EFTUD2: variants seen among roughly 807,000 people sequenced by gnomAD.
The protein encoded by EFTUD2 is 116 kDa U5 small nuclear ribonucleoprotein component.
EFTUD2 carries 9 observed loss-of-function variants against 114.3 expected under a neutral mutation model. The ratio of observed to expected loss-of-function variants is 0.08; its 90% CI spans 0.05 to 0.14. The LOEUF (loss-of-function observed/expected upper bound fraction) is 0.14. Ranked by LOEUF, EFTUD2 falls within the 10% of genes least tolerant of loss-of-function variation. EFTUD2 has a pLI of 1.00. For synonymous variants in EFTUD2, 449 were observed against 462.3 expected (o/e 0.97, Z 0.37); for missense variants, 765 against 1,241.2 (o/e 0.62, Z 5.76).
intron 16 of EFTUD2, among the ~76,000 whole-genome samples, chr17:44,861,843 C>T (rs142979165): frequency 2.1e-3 from 315 of 152,260 alleles, no homozygotes; most frequent in Non-Finnish European, 3.4e-3. Flanking sequence ...GCAGGGTAGC[C>T]ACCTTAGGGA....
chr17:44,897,731 A>G (rs2051417000), intron 1 of EFTUD2, among the ~76,000 whole-genome samples: 1 of 151,940 alleles, frequency 6.6e-6, no homozygotes, highest in Admixed American at 6.6e-5. Context: ...CACTTGGCTA[A>G]TTTTTGTATT....
intron 16 of EFTUD2, among the ~76,000 whole-genome samples, chr17:44,862,472 G>C (rs1162116068): frequency 6.6e-6 from 1 of 152,056 alleles, no homozygotes; most frequent in Non-Finnish European, 1.5e-5. Flanking sequence ...AAGTTCACAC[G>C]AGCCACCCAA....
At chr17:44,852,679 G>C in intron 25 of EFTUD2, 117 bp from the exon 26 acceptor site, 1 of 1,249,826 alleles carries the variant, frequency 8.0e-7, no homozygotes, top group Non-Finnish European at 1.1e-6. Context: ...ATCAAAGAAA[G>C]AGTAACCAAG....
chr17:44,850,415 G>C lies in EFTUD2; in HGVS notation c.*859C>G. On this transcript the variant is annotated 3_prime_UTR_variant, in exon 28 of 28. Coordinates refer to ENST00000426333, the MANE Select transcript of EFTUD2 (RefSeq NM_004247.4). ...GAAGTAGGACTCCTATAGGAGCCGG[G>C]GCTGTCCAACTCCCCTAACTCAATC... 1 of 1,597,368 alleles carries C rather than the reference G, an allele frequency of 6.3e-7. No individual in the cohort carries two copies. The highest frequency in any genetic ancestry group is 8.6e-7 in the Non-Finnish European group (1 of 1,166,858).
chr17:44,870,912 G>A (rs1168074853), intron 11 of EFTUD2, among the ~76,000 whole-genome samples: 3 of 152,086 alleles, frequency 2.0e-5, no homozygotes, highest in Non-Finnish European at 4.4e-5. Context: ...CAGCTACTCA[G>A]GAGGCTGAGG....
rs376006331 is a variant in EFTUD2 at position 44,885,219 on chromosome 17, C to G, written c.350+37G>C. ...TCTCTACAAAAACATGAACCCACAGCATTCCTGCAGAGAAGCTGAGAAACC... is the reference window on the plus strand; with the variant it reads ...TCTCTACAAAAACATGAACCCACAGGATTCCTGCAGAGAAGCTGAGAAACC... On this transcript the variant is annotated intron_variant, in intron 4 of 27. Coordinates refer to ENST00000426333, the MANE Select transcript of EFTUD2 (RefSeq NM_004247.4). 240 of 1,540,864 alleles carry G rather than the reference C, an allele frequency of 1.6e-4. 2 individuals are homozygous for G. The African/African-American group carries it at 3.0e-3, about 19-fold the overall frequency.
At chr17:44,860,234 G>T (rs1376127173) in intron 17 of EFTUD2, 189 bp from the exon 18 acceptor site, 1 of 844,680 alleles carries the variant, frequency 1.2e-6, no homozygotes, top group African/African-American at 1.7e-5. Context: ...AAAGAGAGGA[G>T]GAAAATAATA....
At chr17:44,894,549 T>C in intron 1 of EFTUD2, 24 bp from the exon 2 acceptor site, 2 of 1,579,370 alleles carry the variant, frequency 1.3e-6, no homozygotes, top group East Asian at 2.2e-5. Flanking sequence ...AGAGAAGAGT[T>C]AGATTCTGAC....
At chr17:44,885,975 G>A (rs534093413) in intron 3 of EFTUD2, among the ~76,000 whole-genome samples, 6 of 151,914 alleles carry the variant, frequency 3.9e-5, no homozygotes, top group Admixed American at 6.6e-5. Context: ...AGTGGCTCAC[G>A]CCTGTAATCC....
At chr17:44,880,678 CT>C in intron 7 of EFTUD2, 34 bp from the exon 8 acceptor site, 2 of 1,579,206 alleles carry the variant, frequency 1.3e-6, no homozygotes, top group African/African-American at 1.3e-5. Flanking sequence ...AGACCTCTTC[CT>C]ATGCAAGAGG....
chr17:44,872,527 C>T lies in EFTUD2; in HGVS notation c.913G>A (p.Gly305Ser), dbSNP rs1435500626. Residue 305 changes from glycine to serine, a missense_variant, in exon 11 of 28, where the codon GGT becomes AGT. Gly to Ser is a moderately conservative substitution (Grantham distance 56). Coordinates refer to ENST00000426333, the MANE Select transcript of EFTUD2 (RefSeq NM_004247.4). The part of the protein sequence containing the change: ...DENLILSPLL[G>S]NVCFSSSQYS... ...TGGGAGCTGGAGAAGCAGACGTTACCCAGGAGTGGGGAAAGGATCAGGTTC... is the reference window on the plus strand; with the variant it reads ...TGGGAGCTGGAGAAGCAGACGTTACTCAGGAGTGGGGAAAGGATCAGGTTC... The T allele has an allele frequency of 6.2e-7, 1 of 1,613,112 alleles. No individual in the cohort carries two copies. The highest frequency in any genetic ancestry group is 8.5e-7 in the Non-Finnish European group (1 of 1,179,410).
At chr17:44,870,822 A>AG (rs1446917998) in intron 11 of EFTUD2, among the ~76,000 whole-genome samples, 1 of 152,110 alleles carries the variant, frequency 6.6e-6, no homozygotes, top group African/African-American at 2.4e-5. Context: ...GTTCGAGACC[A>AG]GCCTGACCAA....
chr17:44,857,226 G>A, intron 19 of EFTUD2, 69 bp from the exon 20 acceptor site: 1 of 1,388,620 alleles, frequency 7.2e-7, no homozygotes, highest in Non-Finnish European at 1.0e-6. Context: ...TTTACCTAAG[G>A]GAATTCAGAA....
rs998292108 is a variant in EFTUD2, at chr17:44,851,007, G to A, written c.*267C>T. The A allele has an allele frequency of 3.5e-5, 16 of 458,004 alleles. No individual in the cohort carries two copies. Among genetic ancestry groups the A allele is most frequent in the Non-Finnish European group, 5.6e-5 (14 of 252,228 alleles). The allele number at this position is 458,004 out of a possible 1,614,324, so 28.4% of individuals were successfully genotyped here. On this transcript the variant is annotated 3_prime_UTR_variant, in exon 28 of 28. Coordinates refer to ENST00000426333, the MANE Select transcript of EFTUD2 (RefSeq NM_004247.4). ...AATCCCAAAGATAGGGCCCCTTGGG[G>A]TTTCATCCCCTTCTCTTTCTGTGAG... is the stretch of plus-strand genomic sequence containing the variant.
chr17:44,881,050 T>A (rs902483536), intron 7 of EFTUD2, among the ~76,000 whole-genome samples: 5 of 152,180 alleles, frequency 3.3e-5, no homozygotes, highest in Admixed American at 1.3e-4. Context: ...ACATTTTTTT[T>A]AAAACTCCAA....
intron 15 of EFTUD2, 52 bp from the exon 16 acceptor site, chr17:44,862,958 T>A: frequency 6.8e-7 from 1 of 1,471,570 alleles, no homozygotes; most frequent in East Asian, 2.3e-5. Flanking sequence ...TCCGGGGAAG[T>A]ACTACTCCCC....
At chr17:44,872,769 G>T in intron 10 of EFTUD2, 199 bp from the exon 11 acceptor site, 1 of 451,360 alleles carries the variant, frequency 2.2e-6, no homozygotes, top group Non-Finnish European at 3.6e-6. Flanking sequence ...ATAACAAGTT[G>T]ATTTCCCAGA....
chr17:44,889,239 C>G (rs766271558), intron 2 of EFTUD2, among the ~76,000 whole-genome samples: 1 of 152,092 alleles, frequency 6.6e-6, no homozygotes, highest in Non-Finnish European at 1.5e-5. Context: ...CAGTGGTGAC[C>G]TTGACAAGAG....
chr17:44,896,302 C>T (rs569056434), intron 1 of EFTUD2, among the ~76,000 whole-genome samples: 7 of 152,352 alleles, frequency 4.6e-5, no homozygotes, highest in Admixed American at 4.6e-4. Context: ...TCTCATTCCT[C>T]TATCCTACTA....
Sources: allele counts gnomAD v4.1 joint callset (sites outside exome capture counted in the v4.1 genomes callset), GRCh38; gene constraint gnomAD v4.1.1; transcripts MANE v1.5; gene names NCBI Gene and HGNC (gene_info 2026-07-23, HGNC 2026-07-21).